The following HDAC9 variants were observed in gnomAD, a reference collection of about 807,000 sequenced individuals.
HDAC9 encodes MEF-2 interacting transcription repressor (MITR) protein.
In HDAC9, 41 loss-of-function variants were observed where a neutral mutation model predicts 139.4. The observed-to-expected ratio is 0.29, with a 90% CI of 0.23 to 0.38. The LOEUF is 0.38. Among genes scored for constraint, HDAC9 ranks in the 10% least tolerant of loss-of-function variants. The pLI, the probability that HDAC9 is intolerant of heterozygous loss-of-function variation, is 1.00. For missense variants in HDAC9, 1,147 were observed against 1,297.0 expected, an observed-to-expected ratio of 0.88 and a Z score of 1.78; for synonymous variants, 517 against 476.2, an observed-to-expected ratio of 1.09 and a Z score of -1.12.
intron 1 of HDAC9, among the ~76,000 whole-genome samples, chr7:18,452,779 G>A (rs1293035340): frequency 2.0e-5 from 3 of 152,156 alleles, no homozygotes. Flanking sequence ...CATGTAAGAT[G>A]TGCCTTTTCT....
At chr7:18,484,726 C>G (rs991248433) in intron 1 of HDAC9, among the ~76,000 whole-genome samples, 4 of 152,068 alleles carry the variant, frequency 2.6e-5, no homozygotes, top group African/African-American at 4.8e-5. Flanking sequence ...CATGGTGATG[C>G]ATGCCTATGT....
At chr7:18,809,440 G>A (rs1793997073) in intron 17 of HDAC9, among the ~76,000 whole-genome samples, 1 of 151,966 alleles carries the variant, frequency 6.6e-6, no homozygotes, top group Non-Finnish European at 1.5e-5. Context: ...CCATATATAT[G>A]ATAAGAGGTT....
chr7:18,483,447 G>A lies in HDAC9; in HGVS notation c.-41-12815G>A, dbSNP rs191407351. ...TTGGAAGAACTTTGACCAGTAATCTGTTTGATAGTGGATGTGTTTTGAGGA... is the reference window on the plus strand; with the variant it reads ...TTGGAAGAACTTTGACCAGTAATCTATTTGATAGTGGATGTGTTTTGAGGA... On this transcript the variant is annotated intron_variant, in intron 1 of 3. Transcript: ENST00000413509. Among the ~76,000 whole-genome samples, 1,271 of 152,264 alleles carry A rather than the reference G, an allele frequency of 8.3e-3. 20 individuals are homozygous for A. Among genetic ancestry groups the A allele is most frequent in the African/African-American group, 0.029 (1,207 of 41,544 alleles).
At chr7:18,899,854 T>A (rs897224006) in intron 22 of HDAC9, among the ~76,000 whole-genome samples, 3 of 152,092 alleles carry the variant, frequency 2.0e-5, no homozygotes, top group African/African-American at 7.2e-5. Flanking sequence ...TATAAAAAAA[T>A]TATCTTCAGT....
chr7:18,562,604 T>C (rs1306319246), intron 2 of HDAC9, among the ~76,000 whole-genome samples: 1 of 152,182 alleles, frequency 6.6e-6, no homozygotes, highest in Non-Finnish European at 1.5e-5. Context: ...TCTATACCAT[T>C]CATCTGTACA....
At chr7:18,935,737 C>G in intron 22 of HDAC9, 72 bp from the exon 23 acceptor site, 3 of 1,381,656 alleles carry the variant, frequency 2.2e-6, no homozygotes, top group Non-Finnish European at 3.1e-6. Flanking sequence ...AAAATACATG[C>G]TCAATGTTAG....
chr7:18,855,930 T>C (rs2129227678), intron 21 of HDAC9, among the ~76,000 whole-genome samples: 1 of 152,204 alleles, frequency 6.6e-6, no homozygotes, highest in East Asian at 1.9e-4. Flanking sequence ...AGCAAAATAA[T>C]TGTAAGCATT....
chr7:18,813,855 T>A (rs1005547825), intron 17 of HDAC9, among the ~76,000 whole-genome samples: 9 of 152,344 alleles, frequency 5.9e-5, no homozygotes, highest in African/African-American at 2.2e-4. Context: ...AGATTTTTTG[T>A]TCAGGTACCA....
intron 1 of HDAC9, among the ~76,000 whole-genome samples, chr7:18,134,514 C>A (rs1213139958): frequency 6.6e-6 from 1 of 152,088 alleles, no homozygotes; most frequent in Non-Finnish European, 1.5e-5. Context: ...CTGTTTGAAG[C>A]AGTAGTAACT....
At chr7:18,842,776 G>A (rs1343165612) in intron 21 of HDAC9, among the ~76,000 whole-genome samples, 1 of 151,972 alleles carries the variant, frequency 6.6e-6, no homozygotes, top group Non-Finnish European at 1.5e-5. Context: ...TAGAATTTCT[G>A]CTCTTTGACC....
At chr7:18,649,912 TCTCTCTCTAACCTTTTAGTATGCATTG>T (rs1192796033) in intron 11 of HDAC9, among the ~76,000 whole-genome samples, 1 of 152,104 alleles carries the variant, frequency 6.6e-6, no homozygotes, top group African/African-American at 2.4e-5. Context: ...CAGGGACAAC[TCTCTCTCTAACCTTTTAGTATGCATTG>T]CAGACCCTTT....
chr7:18,227,584 A>G (rs980567621), intron 2 of HDAC9, among the ~76,000 whole-genome samples: 8 of 152,200 alleles, frequency 5.3e-5, no homozygotes, highest in Non-Finnish European at 8.8e-5. Context: ...AGGTGCAGAT[A>G]AAGAGCCTGG....
rs1781987401 is a variant in HDAC9 at position 18,682,887 on chromosome 7, A to G, written c.1731+16411A>G. 2.0e-5 allele frequency among the ~76,000 whole-genome samples: 3 copies of G among 151,982 alleles called. No individual in the cohort carries two copies. In the South Asian group the frequency reaches 6.2e-4, roughly 31 times the overall value. On this transcript the variant is annotated intron_variant, in intron 12 of 25. Coordinates refer to ENST00000686413, the MANE Select transcript of HDAC9 (RefSeq NM_178425.4). ...TCCCAGCTACTTGGGAGGCTGAGGCAGGAGAATTGCATGAACCTAGGAAGC... is the reference window on the plus strand; with the variant it reads ...TCCCAGCTACTTGGGAGGCTGAGGCGGGAGAATTGCATGAACCTAGGAAGC...
chr7:18,995,925 C>G (rs913378967), intron 25 of HDAC9, 98 bp from the exon 26 acceptor site: 1 of 833,548 alleles, frequency 1.2e-6, no homozygotes, highest in Non-Finnish European at 1.9e-6. Context: ...AAATAAACAT[C>G]AGAGAGAGCT....
Position 18,489,469 on chromosome 7 carries a change from A to G in HDAC9, c.-41-6793A>G, listed in dbSNP as rs141518714. ...TATTGTATAATTCTCTATCATCCTT[A>G]TAACAATCCTGAGAAATTTATTATT... On this transcript the variant is annotated intron_variant, in intron 1 of 3. Transcript: ENST00000413509. Among the ~76,000 whole-genome samples the G allele has an allele frequency of 4.1e-3, 625 of 152,170 alleles. 5 individuals are homozygous for G. Among genetic ancestry groups the G allele is most frequent in the African/African-American group, 0.014 (602 of 41,554 alleles).
At chr7:18,930,605 C>T (rs1171940621) in intron 22 of HDAC9, among the ~76,000 whole-genome samples, 1 of 136,848 alleles carries the variant, frequency 7.3e-6, no homozygotes, top group Non-Finnish European at 1.6e-5. Context: ...CAGCAGAATT[C>T]AGGATAATAA....
intron 1 of HDAC9, among the ~76,000 whole-genome samples, chr7:18,374,375 C>T (rs1784827050): frequency 6.6e-6 from 1 of 151,908 alleles, no homozygotes; most frequent in African/African-American, 2.4e-5. Flanking sequence ...GTGATTTCCT[C>T]ATTGTGTGAA....
chr7:18,727,674 T>C lies in HDAC9; in HGVS notation c.1826T>C (p.Val609Ala), dbSNP rs1396946471. ...GATGGATTAGAGAAACACCGTCTCG[T>C]CTCCAGGACTCACTCTTCCCCTGCT... ...GMDGLEKHRL[V>A]SRTHSSPAAS... Residue 609 changes from valine to alanine, a missense_variant, in exon 13 of 26, where the codon GTC (valine) becomes GCC (alanine). Physicochemically the swap from Val to Ala is moderately conservative, Grantham distance 64. This residue lies in a region of HDAC9 where 256 missense variants were observed against 219.2 expected (regional missense o/e 1.17). Coordinates refer to ENST00000686413, the MANE Select transcript of HDAC9 (RefSeq NM_178425.4). The C allele has an allele frequency of 1.9e-6, 3 of 1,589,766 alleles. No homozygotes were observed. Among genetic ancestry groups the C allele is most frequent in the Non-Finnish European group, 2.6e-6 (3 of 1,171,096 alleles).
At chr7:18,932,880 G>GAAAGAAA (rs1554405266) in intron 22 of HDAC9, among the ~76,000 whole-genome samples, 1 of 151,700 alleles carries the variant, frequency 6.6e-6, no homozygotes, top group Non-Finnish European at 1.5e-5. Flanking sequence ...AAGAAAGAAA[G>GAAAGAAA]GATGTCCTGA....
Sources: gnomAD v4.1 joint callset for allele counts (sites outside exome capture counted in the v4.1 genomes callset) on GRCh38, gnomAD v4.1.1 for gene constraint, gnomAD v4.1.1 regional missense constraint, MANE v1.5 for transcripts, NCBI Gene and HGNC (gene_info 2026-07-23, HGNC 2026-07-21) for gene names.